PTPRZ1: variants seen among roughly 807,000 people sequenced by gnomAD.
PTPRZ1 encodes the protein protein tyrosine phosphatase receptor type Z1.
PTPRZ1 carries 82 observed loss-of-function variants against 214.1 expected under a neutral mutation model. That is an observed-to-expected ratio of 0.38 (90% CI 0.32 to 0.46). The LOEUF (loss-of-function observed/expected upper bound fraction) is 0.46. PTPRZ1 is among the 20% of genes least tolerant of loss of function. The pLI is 1.00. For missense variants in PTPRZ1, 2,603 were observed against 2,748.7 expected (o/e 0.95, Z 1.19); for synonymous variants, 945 against 987.9 (o/e 0.96, Z 0.81).
rs188448402 is a variant in PTPRZ1 at position 121,984,258 on chromosome 7, T to A, written c.928+141T>A. ...ATTTTGTAGCTTTAGATAAGCTGTC[T>A]AATTTTCTGAATATCAGATACCACA... is the stretch of plus-strand genomic sequence containing the variant. On this transcript the variant is annotated intron_variant, in intron 8 of 29. Coordinates refer to ENST00000393386, the MANE Select transcript of PTPRZ1 (RefSeq NM_002851.3). 1.5e-4 allele frequency: 110 copies of A among 729,946 alleles called. No individual in the cohort carries two copies. The African/African-American group carries it at 1.8e-3, about 12-fold the overall frequency. 45.2% of individuals were successfully genotyped at this position (729,946 alleles called of 1,614,324 possible). A position where few individuals can be genotyped will look rare whatever the true frequency, so the allele number is the denominator to read the frequency against.
intron 14 of PTPRZ1, 47 bp from the exon 15 acceptor site, chr7:122,031,427 A>G: frequency 7.3e-7 from 1 of 1,373,040 alleles, no homozygotes; most frequent in Non-Finnish European, 1.0e-6. Flanking sequence ...AGGTACGTTT[A>G]TTTCTGTTAA....
In PTPRZ1 at chr7:122,013,811, A is replaced by G. The variant is rs1295187056; in HGVS notation, c.4765A>G (p.Ile1589Val). The change falls in exon 12 of 30, where the codon ATA (isoleucine) becomes GTA (valine). Residue 1589 changes from isoleucine (I) to valine (V), a missense_variant. By Grantham distance (29) the Ile-to-Val change is conservative. This residue lies in a region of PTPRZ1 where 1,913 missense variants were observed against 1,914.3 expected (regional missense o/e 1.00). Coordinates refer to ENST00000393386, the MANE Select transcript of PTPRZ1 (RefSeq NM_002851.3). ...GATCCTGGCAGCAGGTGACTCAGAA[A>G]TAACTCCTGGATTCCCACAGTCCCC... ...DGILAAGDSE[I>V]TPGFPQSPTS... 2 of 1,614,202 alleles carry G rather than the reference A, an allele frequency of 1.2e-6. No homozygotes were observed. Among genetic ancestry groups the G allele is most frequent in the Admixed American group, 3.3e-5 (2 of 60,030 alleles).
Position 122,051,861 on chromosome 7 carries a change from T to C in PTPRZ1, c.6179-5T>C. 1 of 1,612,154 alleles carries C rather than the reference T, an allele frequency of 6.2e-7. No homozygotes were observed. Among genetic ancestry groups the C allele is most frequent in the Non-Finnish European group, 8.5e-7 (1 of 1,179,000 alleles). The stretch of plus-strand genomic sequence containing the variant: ...TTGTTTTACAATGAATGTTCTGTGT[T>C]CCAGTGGAAAGATCAAGGGTTGGCA... On this transcript the variant is annotated splice_polypyrimidine_tract_variant and splice_region_variant and intron_variant, in intron 24 of 29. Coordinates refer to ENST00000393386, the MANE Select transcript of PTPRZ1 (RefSeq NM_002851.3).
chr7:121,970,424 T>C (rs1584695287), intron 3 of PTPRZ1, among the ~76,000 whole-genome samples: 1 of 152,232 alleles, frequency 6.6e-6, no homozygotes, highest in Non-Finnish European at 1.5e-5. Flanking sequence ...ACCAACAGTG[T>C]AAAAGTGTTT....
At chr7:121,886,407 A>G (rs1365818121) in intron 1 of PTPRZ1, among the ~76,000 whole-genome samples, 5 of 151,740 alleles carry the variant, frequency 3.3e-5, no homozygotes, top group African/African-American at 1.2e-4. Context: ...AAAAATCCCA[A>G]ACACATACGT....
At chr7:121,889,255 G>C (rs1219013337) in intron 1 of PTPRZ1, among the ~76,000 whole-genome samples, 2 of 152,054 alleles carry the variant, frequency 1.3e-5, no homozygotes, top group African/African-American at 4.8e-5. Context: ...TTTGTATTAG[G>C]ATAAATTTAC....
intron 1 of PTPRZ1, among the ~76,000 whole-genome samples, chr7:121,914,890 T>C (rs1795374864): frequency 6.6e-6 from 1 of 152,178 alleles, no homozygotes; most frequent in Non-Finnish European, 1.5e-5. Flanking sequence ...TGACATTACA[T>C]GTGAAAAGTT....
chr7:121,898,261 G>GTT (rs1794860796), intron 1 of PTPRZ1, among the ~76,000 whole-genome samples: 3 of 90,372 alleles, frequency 3.3e-5, no homozygotes, highest in African/African-American at 2.8e-4. Context: ...TAATGTGATG[G>GTT]GTTTTTTTTT....
intron 14 of PTPRZ1, among the ~76,000 whole-genome samples, chr7:122,031,195 G>A (rs1799359375): frequency 6.6e-6 from 1 of 151,924 alleles, no homozygotes; most frequent in African/African-American, 2.4e-5. Context: ...TAAGGAGTGG[G>A]GCTATGGTGG....
At position 122,042,763 on chromosome 7, in the gene PTPRZ1, G is replaced by T. The variant is rs750574613; in HGVS notation, c.5937+20G>T. ...ACTGAGGTATGATTTTTAAAAAGAT[G>T]ATTTTATTCATCTAAGGTATGGAAA... is the stretch of plus-strand genomic sequence containing the variant. On this transcript the variant is annotated intron_variant, in intron 22 of 29. Coordinates refer to ENST00000393386, the MANE Select transcript of PTPRZ1 (RefSeq NM_002851.3). The T allele has an allele frequency of 1.1e-5, 17 of 1,599,316 alleles. No individual in the cohort carries two copies. The East Asian group carries it at 3.1e-4, about 29-fold the overall frequency.
chr7:121,933,300 C>A (rs1205823141), intron 2 of PTPRZ1, among the ~76,000 whole-genome samples: 1 of 151,896 alleles, frequency 6.6e-6, no homozygotes, highest in Non-Finnish European at 1.5e-5. Context: ...ATAAGATCAT[C>A]AGAAATGGGA....
At chr7:121,977,956 A>T (rs1797493248) in intron 6 of PTPRZ1, among the ~76,000 whole-genome samples, 1 of 152,198 alleles carries the variant, frequency 6.6e-6, no homozygotes, top group Non-Finnish European at 1.5e-5. Flanking sequence ...AATGAAAGAG[A>T]TGTTAACACT....
intron 1 of PTPRZ1, among the ~76,000 whole-genome samples, chr7:121,887,717 C>A (rs1794442226): frequency 6.6e-6 from 1 of 152,108 alleles, no homozygotes; most frequent in Non-Finnish European, 1.5e-5. Context: ...CTATAAGTTT[C>A]TTTATTCTAA....
chr7:121,991,764 G>A (rs192971581), intron 8 of PTPRZ1, among the ~76,000 whole-genome samples: 2 of 152,310 alleles, frequency 1.3e-5, no homozygotes, highest in Admixed American at 1.3e-4. Context: ...ACTTCTTTTG[G>A]CTATTAATCT....
At chr7:121,959,115 G>A (rs965430127) in intron 2 of PTPRZ1, among the ~76,000 whole-genome samples, 3 of 152,102 alleles carry the variant, frequency 2.0e-5, no homozygotes, top group African/African-American at 4.8e-5. Context: ...GAGCCACCAC[G>A]CCCGGCCCCT....
intron 2 of PTPRZ1, among the ~76,000 whole-genome samples, chr7:121,959,221 C>G (rs957910434): frequency 6.6e-6 from 1 of 152,166 alleles, no homozygotes; most frequent in South Asian, 2.1e-4. Flanking sequence ...CCTGTAACCC[C>G]CTGCCAATAG....
chr7:122,012,865 G>A lies in PTPRZ1; in HGVS notation c.3819G>A (p.Leu1273=). 3 of 1,614,044 alleles carry A rather than the reference G, an allele frequency of 1.9e-6. No homozygotes were observed. The highest frequency in any genetic ancestry group is 2.5e-6 in the Non-Finnish European group (3 of 1,179,948). ...SYASEKYEPV[L]LKSESSHQVV... is the part of the protein sequence containing the mutation. ...CAAGTGAGAAATATGAACCAGTTTT[G>A]TTAAAAAGTGAAAGTTCCCACCAAG... The change falls in exon 12 of 30, where the codon TTG becomes TTA. Residue 1273 remains leucine (L), a synonymous_variant. Coordinates refer to ENST00000393386, the MANE Select transcript of PTPRZ1 (RefSeq NM_002851.3).
At chr7:121,917,890 A>G (rs1454831862) in intron 1 of PTPRZ1, among the ~76,000 whole-genome samples, 1 of 152,152 alleles carries the variant, frequency 6.6e-6, no homozygotes, top group Non-Finnish European at 1.5e-5. Flanking sequence ...ATATTGCCCA[A>G]GCTTAAGTAG....
intron 1 of PTPRZ1, among the ~76,000 whole-genome samples, chr7:121,908,214 A>G (rs1334311756): frequency 2.6e-5 from 4 of 152,122 alleles, no homozygotes; most frequent in Admixed American, 2.0e-4. Context: ...TTAGTTAACT[A>G]TAACCTGACC....
Sources: allele counts gnomAD v4.1 joint callset (sites outside exome capture counted in the v4.1 genomes callset), GRCh38; gene constraint gnomAD v4.1.1; regional missense constraint gnomAD v4.1.1; transcripts MANE v1.5; gene names NCBI Gene and HGNC (gene_info 2026-07-23, HGNC 2026-07-21).